THSD4: variants seen among roughly 807,000 people sequenced by gnomAD.
THSD4 encodes the protein thrombospondin type-1 domain-containing protein 4.
In THSD4, 69 loss-of-function variants were observed where a neutral mutation model predicts 119.0. That is an observed-to-expected ratio of 0.58 (90% CI 0.48 to 0.71). The LOEUF (loss-of-function observed/expected upper bound fraction) is 0.71. THSD4 is among the 30% of genes least tolerant of loss of function. THSD4 has a pLI of 0.00. For missense variants in THSD4, 1,393 were observed against 1,391.1 expected, an observed-to-expected ratio of 1.00 and a Z score of -0.02; for synonymous variants, 524 against 540.4, an observed-to-expected ratio of 0.97 and a Z score of 0.42.
At chr15:71,721,566 G>T (rs1219261661) in intron 8 of THSD4, among the ~76,000 whole-genome samples, 1 of 150,178 alleles carries the variant, frequency 6.7e-6, no homozygotes, top group Non-Finnish European at 1.5e-5. Flanking sequence ...GCTACTTAAG[G>T]GGCTGAGGCA....
At chr15:71,763,006 G>A (rs991192506) in intron 15 of THSD4, among the ~76,000 whole-genome samples, 6 of 152,164 alleles carry the variant, frequency 3.9e-5, no homozygotes, top group African/African-American at 1.4e-4. Context: ...GGGAGGCAGA[G>A]GTTGCAGTGA....
At chr15:71,354,111 A>G (rs529048606) in intron 6 of THSD4, among the ~76,000 whole-genome samples, 39 of 152,170 alleles carry the variant, frequency 2.6e-4, no homozygotes, top group Admixed American at 5.9e-4. Flanking sequence ...AGCCTAGGCA[A>G]CAGTCAGACC....
intron 3 of THSD4, among the ~76,000 whole-genome samples, chr15:71,214,139 A>G (rs767573288): frequency 6.6e-6 from 1 of 152,222 alleles, no homozygotes; most frequent in Non-Finnish European, 1.5e-5. Context: ...AGGATTGTAT[A>G]TGCACCAATC....
At chr15:71,691,835 C>T (rs1197443328) in intron 8 of THSD4, among the ~76,000 whole-genome samples, 2 of 152,180 alleles carry the variant, frequency 1.3e-5, no homozygotes, top group Non-Finnish European at 2.9e-5. Context: ...AGATGGACTC[C>T]AGGCAGCTGG....
At chr15:71,129,167 T>C (rs1296932000) in intron 1 of THSD4, among the ~76,000 whole-genome samples, 1 of 152,208 alleles carries the variant, frequency 6.6e-6, no homozygotes, top group Non-Finnish European at 1.5e-5. Context: ...CATGAGCTGG[T>C]GACGGCTCCT....
At chr15:71,164,504 C>G (rs1432081954) in intron 3 of THSD4, among the ~76,000 whole-genome samples, 1 of 151,626 alleles carries the variant, frequency 6.6e-6, no homozygotes, top group Non-Finnish European at 1.5e-5. Context: ...TGTGCACCAA[C>G]AAGAACCTGC....
At chr15:71,434,993 C>T (rs1389927033) in intron 7 of THSD4, among the ~76,000 whole-genome samples, 1 of 152,144 alleles carries the variant, frequency 6.6e-6, no homozygotes, top group East Asian at 1.9e-4. Flanking sequence ...GACCCGGAGC[C>T]ACCCGCTAAG....
chr15:71,524,429 C>A (rs1459622987), intron 7 of THSD4, among the ~76,000 whole-genome samples: 1 of 152,160 alleles, frequency 6.6e-6, no homozygotes, highest in Admixed American at 6.5e-5. Flanking sequence ...AGTGTGCCAA[C>A]TCTGCTGCAT....
At chr15:71,667,996 CA>C (rs1567091127) in intron 8 of THSD4, among the ~76,000 whole-genome samples, 1 of 152,060 alleles carries the variant, frequency 6.6e-6, no homozygotes, top group Non-Finnish European at 1.5e-5. Context: ...AATATCATAT[CA>C]TGGGTATCTT....
intron 6 of THSD4, among the ~76,000 whole-genome samples, chr15:71,393,787 CT>C (rs2046408399): frequency 6.6e-6 from 1 of 152,196 alleles, no homozygotes; most frequent in African/African-American, 2.4e-5. Context: ...GAGTCTCTAT[CT>C]GTGACCTTGA....
At chr15:71,328,945 A>G (rs2045384093) in intron 6 of THSD4, among the ~76,000 whole-genome samples, 1 of 152,188 alleles carries the variant, frequency 6.6e-6, no homozygotes, top group Non-Finnish European at 1.5e-5. Context: ...GAGGCTGGAT[A>G]AATCTAAGTT....
At chr15:71,250,840 A>G (rs1012805560) in intron 5 of THSD4, among the ~76,000 whole-genome samples, 22 of 152,134 alleles carry the variant, frequency 1.4e-4, no homozygotes, top group African/African-American at 5.3e-4. Flanking sequence ...TCATATTAAC[A>G]TCCTTTGGGG....
intron 6 of THSD4, among the ~76,000 whole-genome samples, chr15:71,273,667 A>G (rs2044558797): frequency 6.6e-6 from 1 of 152,202 alleles, no homozygotes; most frequent in African/African-American, 2.4e-5. Flanking sequence ...CAATCGAAAT[A>G]AAATTTAAAA....
intron 8 of THSD4, among the ~76,000 whole-genome samples, chr15:71,728,334 A>G (rs1205937165): frequency 6.6e-6 from 1 of 152,042 alleles, no homozygotes; most frequent in Non-Finnish European, 1.5e-5. Flanking sequence ...AGTCCAAGTG[A>G]TAGAAGGGAT....
chr15:71,413,040 T>C (rs1182642754), intron 7 of THSD4, among the ~76,000 whole-genome samples: 1 of 152,170 alleles, frequency 6.6e-6, no homozygotes, highest in Non-Finnish European at 1.5e-5. Context: ...AGATGGAGTT[T>C]CACTCTTGTT....
chr15:71,689,923 A>G (rs1369961349), intron 8 of THSD4, among the ~76,000 whole-genome samples: 1 of 152,152 alleles, frequency 6.6e-6, no homozygotes, highest in Non-Finnish European at 1.5e-5. Flanking sequence ...TCATGAGGCA[A>G]CCTCTTCAAC....
At position 71,683,941 on chromosome 15, in the gene THSD4, T is replaced by A. The variant is rs1408231465; in HGVS notation, c.1357+23207T>A. ...GTGAGCCAAGATCACACCACTGCAC[T>A]CTAGCCTGGACGACAGAGCAAGACT... On this transcript the variant is annotated intron_variant, in intron 8 of 17. Coordinates refer to ENST00000261862, the MANE Select transcript of THSD4 (RefSeq NM_024817.3). 2.0e-5 allele frequency among the ~76,000 whole-genome samples: 3 copies of A among 152,164 alleles called. No homozygotes were observed. The East Asian group carries it at 5.8e-4, about 29-fold the overall frequency.
At chr15:71,288,223 A>G (rs1288578790) in intron 6 of THSD4, among the ~76,000 whole-genome samples, 1 of 152,206 alleles carries the variant, frequency 6.6e-6, no homozygotes, top group African/African-American at 2.4e-5. Flanking sequence ...GTGAAAAGAG[A>G]TAACGGCAAA....
At chr15:71,752,209 C>T (rs1003636554) in intron 14 of THSD4, among the ~76,000 whole-genome samples, 6 of 152,162 alleles carry the variant, frequency 3.9e-5, no homozygotes, top group Non-Finnish European at 8.8e-5. Flanking sequence ...TGGTTCATTC[C>T]TCTGTGTGTC....
Sources: gnomAD v4.1 joint callset for allele counts (sites outside exome capture counted in the v4.1 genomes callset) on GRCh38, gnomAD v4.1.1 for gene constraint, MANE v1.5 for transcripts, NCBI Gene and HGNC (gene_info 2026-07-23, HGNC 2026-07-21) for gene names.